REV3L: variants seen among roughly 807,000 people sequenced by gnomAD.
The protein encoded by REV3L is REV3 like, DNA directed polymerase zeta catalytic subunit, also known as DNA polymerase zeta catalytic subunit.
A neutral mutation model predicts 299.4 loss-of-function variants in REV3L; 69 were observed. The ratio of observed to expected loss-of-function variants is 0.23; its 90% CI spans 0.19 to 0.28. The LOEUF is 0.28. Ranked by LOEUF, REV3L falls within the 10% of genes least tolerant of loss-of-function variation. The pLI, the probability that REV3L is intolerant of heterozygous loss-of-function variation, is 1.00. For missense variants in REV3L, 3,128 were observed against 3,693.8 expected (o/e 0.85, Z 3.97); for synonymous variants, 1,238 against 1,271.4 (o/e 0.97, Z 0.56).
Position 111,333,318 on chromosome 6 carries a change from A to G in REV3L, c.7730T>C (p.Ile2577Thr). The change falls in exon 23 of 32, where the codon ATT (isoleucine) becomes ACT (threonine). Residue 2577 changes from isoleucine (I) to threonine (T), a missense_variant. Physicochemically the swap from Ile to Thr is moderately conservative, Grantham distance 89. This residue lies in a region of REV3L where 149 missense variants were observed against 286.4 expected (regional missense o/e 0.52). Coordinates refer to ENST00000368802, the MANE Select transcript of REV3L (RefSeq NM_001372078.1). ...TTGCTGAACACTAGGTGTCACAGGA[A>G]TATAGTTCATTGGTTTAGCAATACG... is the stretch of plus-strand genomic sequence containing the variant. ...MLRIAKPMNYIPVTPSVQQRS... is the reference protein window; with the variant it reads ...MLRIAKPMNYTPVTPSVQQRS... The G allele has an allele frequency of 6.2e-7, 1 of 1,614,126 alleles. No homozygotes were observed. Among genetic ancestry groups the G allele is most frequent in the East Asian group, 2.2e-5 (1 of 44,866 alleles).
intron 1 of REV3L, among the ~76,000 whole-genome samples, chr6:111,458,264 A>C (rs1790373244): frequency 1.3e-5 from 2 of 152,016 alleles, no homozygotes. Flanking sequence ...AAACCCCTCA[A>C]TAAACTAGGT....
At chr6:111,381,472 T>A (rs199732920) in intron 9 of REV3L, 28 bp from the exon 10 acceptor site, 88 of 1,583,526 alleles carry the variant, frequency 5.6e-5, no homozygotes, top group Non-Finnish European at 7.2e-5. Flanking sequence ...TAAAAAAAAT[T>A]GAAGCAATGG....
intron 16 of REV3L, chr6:111,361,568 T>C (rs1462350544): frequency 6.6e-6 from 1 of 152,124 alleles, no homozygotes; most frequent in Non-Finnish European, 1.5e-5. Flanking sequence ...TTTCTATTCC[T>C]TAATAACAAA....
chr6:111,374,974 G>A lies in REV3L; in HGVS notation c.3381C>T (p.Arg1127=). The stretch of plus-strand genomic sequence containing the variant: ...CTCTTGGATCTGTGGGAGACCAGCA[G>A]CGAGGTGGAGAAGAATTTATGGGAC... ...STSPINSSPP[R]CWSPTDPRAE... The change falls in exon 13 of 32, where the codon CGC becomes CGT. Residue 1127 remains arginine (R), a synonymous_variant. Transcript: ENST00000368802. 1 of 1,612,552 alleles carries A rather than the reference G, an allele frequency of 6.2e-7. No individual in the cohort carries two copies.
At position 111,309,736 on chromosome 6, in the gene REV3L, A is replaced by T. The variant is rs17540214; in HGVS notation, c.9042+117T>A. 0.12 allele frequency: 138,583 copies of T among 1,182,982 alleles called. 9,677 individuals are homozygous for T. The highest frequency in any genetic ancestry group is 0.14 in the Non-Finnish European group (123,060 of 854,662). 73.3% of individuals were successfully genotyped at this position (1,182,982 alleles called of 1,614,324 possible). A position where few individuals can be genotyped will look rare whatever the true frequency, so the allele number is the denominator to read the frequency against. On this transcript the variant is annotated intron_variant, in intron 30 of 31. Coordinates refer to ENST00000368802, the MANE Select transcript of REV3L (RefSeq NM_001372078.1). ...GCTTTCCGTATCATTTTACGGGACCACACTCTTCCCTTCCCAGCACTCCCA... is the reference window on the plus strand; with the variant it reads ...GCTTTCCGTATCATTTTACGGGACCTCACTCTTCCCTTCCCAGCACTCCCA...
chr6:111,384,937 GC>G (rs1781200971), intron 9 of REV3L, among the ~76,000 whole-genome samples: 1 of 152,152 alleles, frequency 6.6e-6, no homozygotes, highest in African/African-American at 2.4e-5. Flanking sequence ...ATGAGATCAT[GC>G]CATTTCCAAC....
At position 111,416,561 on chromosome 6, in the gene REV3L, G is replaced by C. The variant is rs985741357; in HGVS notation, c.140-89C>G. ...TGAAACTCATTTAAATGTTCTAATG[G>C]CAACACAGCTTATCTAAGGGAAGAG... On this transcript the variant is annotated intron_variant, in intron 1 of 31. Coordinates refer to ENST00000368802, the MANE Select transcript of REV3L (RefSeq NM_001372078.1). The C allele has an allele frequency of 7.6e-6, 8 of 1,048,588 alleles. No individual in the cohort carries two copies. In the African/African-American group the frequency reaches 1.3e-4, roughly 17 times the overall value. 65.0% of individuals were successfully genotyped at this position (1,048,588 alleles called of 1,614,324 possible). A position where few individuals can be genotyped will look rare whatever the true frequency, so the allele number is the denominator to read the frequency against.
intron 1 of REV3L, among the ~76,000 whole-genome samples, chr6:111,481,430 T>C (rs753013026): frequency 5.9e-5 from 9 of 152,210 alleles, no homozygotes; most frequent in Non-Finnish European, 1.2e-4. Flanking sequence ...TTCCCCATCT[T>C]TCAAGGTTCA....
intron 18 of REV3L, among the ~76,000 whole-genome samples, chr6:111,354,838 C>T (rs1424916466): frequency 2.6e-5 from 4 of 152,050 alleles, no homozygotes; most frequent in Non-Finnish European, 5.9e-5. Context: ...TTTGCTTAGG[C>T]AGAAAAAAGC....
At chr6:111,380,495 G>A (rs985288075) in intron 10 of REV3L, among the ~76,000 whole-genome samples, 2 of 152,114 alleles carry the variant, frequency 1.3e-5, no homozygotes, top group African/African-American at 2.4e-5. Flanking sequence ...TCCTGACCTC[G>A]TGATCTGCCT....
Position 111,411,647 on chromosome 6 carries a change from T to A in REV3L, c.330-93A>T, listed in dbSNP as rs906672777. 4 of 837,704 alleles carry A rather than the reference T, an allele frequency of 4.8e-6. No individual in the cohort carries two copies. The African/African-American group carries it at 6.9e-5, about 15-fold the overall frequency. 51.9% of individuals were successfully genotyped at this position (837,704 alleles called of 1,614,324 possible). A position where few individuals can be genotyped will look rare whatever the true frequency, so the allele number is the denominator to read the frequency against. On this transcript the variant is annotated intron_variant, in intron 2 of 31. Coordinates refer to ENST00000368802, the MANE Select transcript of REV3L (RefSeq NM_001372078.1). ...CCCTAATTAGATTCAGCTGGCCAAA[T>A]TCAGTCTTACGTTTAATATTATCCA...
At chr6:111,398,087 AAATCTAATAACATTTGCTTTC>A (rs1212975025) in intron 4 of REV3L, among the ~76,000 whole-genome samples, 1 of 150,980 alleles carries the variant, frequency 6.6e-6, no homozygotes, top group African/African-American at 2.4e-5. Flanking sequence ...GCTAAGAATC[AAATCTAATAACATTTGCTTTC>A]AATCTAATAA....
chr6:111,468,051 T>C (rs931902511), intron 1 of REV3L, among the ~76,000 whole-genome samples: 1 of 152,150 alleles, frequency 6.6e-6, no homozygotes, highest in Admixed American at 6.6e-5. Flanking sequence ...GAGGTTATGA[T>C]CCTACTCCTT....
At chr6:111,393,568 C>T (rs1226704949) in intron 4 of REV3L, among the ~76,000 whole-genome samples, 1 of 152,150 alleles carries the variant, frequency 6.6e-6, no homozygotes, top group African/African-American at 2.4e-5. Context: ...TACAGTCACT[C>T]CTGTATGCTA....
Position 111,309,997 on chromosome 6 carries a change from T to C in REV3L, c.8898A>G (p.Val2966=), listed in dbSNP as rs1218249644. 6.2e-7 allele frequency: 1 copy of C among 1,613,870 alleles called. No homozygotes were observed. Among genetic ancestry groups the C allele is most frequent in the South Asian group, 1.1e-5 (1 of 91,032 alleles). ...CCTGCAGGACTTCCACTGGGCGCCT[T>C]ACAAGCTGGATAAGTGGTACTCCGG... ...GTPGVPLIQL[V]RRPVEVLQDP... Residue 2966 remains valine, a synonymous_variant, in exon 30 of 32, where the codon GTA becomes GTG. Transcript: ENST00000368802.
rs375251509 is a variant in REV3L at position 111,387,886 on chromosome 6, G to A, written c.975C>T (p.Ser325=). The change falls in exon 9 of 32, where the codon AGC becomes AGT. Residue 325 remains serine, a synonymous_variant. Coordinates refer to ENST00000368802, the MANE Select transcript of REV3L (RefSeq NM_001372078.1). Reference sequence around the variant, plus strand: ...CAGCAGAGAACTCCTGGGATCCATCGCTGTAGTCCACAGATCCTGATAATG... The same window carrying A: ...CAGCAGAGAACTCCTGGGATCCATCACTGTAGTCCACAGATCCTGATAATG... ...SVTLSGSVDY[S]DGSQEFSAEL... 5.2e-5 allele frequency: 84 copies of A among 1,613,716 alleles called. No individual in the cohort carries two copies. The highest frequency in any genetic ancestry group is 6.4e-5 in the Non-Finnish European group (76 of 1,179,820).
At chr6:111,449,322 T>G (rs1388237317) in intron 1 of REV3L, among the ~76,000 whole-genome samples, 2 of 152,062 alleles carry the variant, frequency 1.3e-5, no homozygotes, top group South Asian at 2.1e-4. Context: ...AAGCTGGCAA[T>G]CTCCCTGAGT....
Position 111,300,008 on chromosome 6 carries a change from T to G in REV3L, c.*8A>C. 1.9e-6 allele frequency: 3 copies of G among 1,610,548 alleles called. No individual in the cohort carries two copies. The highest frequency in any genetic ancestry group is 2.5e-6 in the Non-Finnish European group (3 of 1,178,684). Reference sequence around the variant, plus strand: ...AAATAGCACCTGTAATACTGTGATATTGACAATTTAAAACTGGTCTAATAA... The same window carrying G: ...AAATAGCACCTGTAATACTGTGATAGTGACAATTTAAAACTGGTCTAATAA... On this transcript the variant is annotated 3_prime_UTR_variant, in exon 32 of 32. Coordinates refer to ENST00000368802, the MANE Select transcript of REV3L (RefSeq NM_001372078.1).
rs141311414 is a variant in REV3L, at chr6:111,364,423, A to G, written c.6754-445T>C. On this transcript the variant is annotated intron_variant, in intron 15 of 31. Transcript: ENST00000368802. ...ATGTGTCTGAAAGATGAATTAAATA[A>G]AACAATGTAATCTTCAAAGATTCAG... Among the ~76,000 whole-genome samples, 1,339 of 152,236 alleles carry G rather than the reference A, an allele frequency of 8.8e-3. 15 individuals carry two copies. The highest frequency in any genetic ancestry group is 0.011 in the Non-Finnish European group (768 of 67,938).
Sources: gnomAD v4.1 joint callset for allele counts (sites outside exome capture counted in the v4.1 genomes callset) on GRCh38, gnomAD v4.1.1 for gene constraint, gnomAD v4.1.1 regional missense constraint, MANE v1.5 for transcripts, NCBI Gene and HGNC (gene_info 2026-07-23, HGNC 2026-07-21) for gene names.